CHMP2A: variants seen among roughly 807,000 people sequenced by gnomAD.
CHMP2A encodes the protein charged multivesicular body protein 2A.
Under a neutral mutation model 21.8 loss-of-function variants are expected in CHMP2A, and 6 were observed. The ratio of observed to expected loss-of-function variants is 0.28; its 90% CI spans 0.15 to 0.54. The LOEUF is 0.54. Among genes scored for constraint, CHMP2A ranks in the 20% least tolerant of loss-of-function variants. CHMP2A has a pLI of 0.95. For missense variants in CHMP2A, 303 were observed against 293.9 expected (o/e 1.03, Z -0.23); for synonymous variants, 125 against 107.0 (o/e 1.17, Z -1.04).
intron 2 of CHMP2A, chr19:58,553,696 C>T (rs112615915): frequency 6.6e-4 from 215 of 325,208 alleles, no homozygotes; most frequent in African/African-American, 3.6e-3. Flanking sequence ...AACCTTCCAA[C>T]TTAGCTCCCA....
chr19:58,552,283 C>T lies in CHMP2A; in HGVS notation c.324G>A (p.Lys108=), dbSNP rs1269194335. The T allele has an allele frequency of 1.2e-6, 2 of 1,614,206 alleles. No individual in the cohort carries two copies. Among genetic ancestry groups the T allele is most frequent in the Non-Finnish European group, 1.7e-6 (2 of 1,180,042 alleles). ...CCTGTCTGTTCATGGTGCCCATGGCCTTGGTGACACCCTTCATGGCTTGTG... is the reference window on the plus strand; with the variant it reads ...CCTGTCTGTTCATGGTGCCCATGGCTTTGGTGACACCCTTCATGGCTTGTG... ...SMAQAMKGVT[K]AMGTMNRQLK... The change falls in exon 3 of 6, where the codon AAG becomes AAA. Residue 108 remains lysine (K), a synonymous_variant. Coordinates refer to ENST00000312547, the MANE Select transcript of CHMP2A (RefSeq NM_014453.4).
chr19:58,553,007 G>T (rs1373133782), intron 2 of CHMP2A, among the ~76,000 whole-genome samples: 2 of 151,276 alleles, frequency 1.3e-5, no homozygotes, highest in African/African-American at 4.9e-5. Context: ...TCTCCCTACT[G>T]GTTCCGGCTG....
intron 1 of CHMP2A, 117 bp downstream of exon 1, chr19:58,554,871 G>A (rs2053875101): frequency 6.6e-6 from 1 of 152,384 alleles, no homozygotes; most frequent in Non-Finnish European, 1.5e-5. Context: ...AGACCTCGAT[G>A]TTGACGACAG....
Position 58,551,620 on chromosome 19 carries a change from C to T in CHMP2A, c.*29G>A, listed in dbSNP as rs2053825022. ...GTTGTGGTAAAAGATCCTGGGCATC[C>T]ACTGGTTATCTCGGAGTGGCAGGGG... On this transcript the variant is annotated 3_prime_UTR_variant, in exon 6 of 6. Coordinates refer to ENST00000312547, the MANE Select transcript of CHMP2A (RefSeq NM_014453.4). 1 of 1,608,170 alleles carries T rather than the reference C, an allele frequency of 6.2e-7. No homozygotes were observed. Among genetic ancestry groups the T allele is most frequent in the Non-Finnish European group, 8.5e-7 (1 of 1,176,180 alleles).
rs758548056 is a variant in CHMP2A at position 58,552,042 on chromosome 19, A to G, written c.479+13T>C. Reference sequence around the variant, plus strand: ...GGCAAACATCTCCACCCTCCCATCCAGTTTCCCCATACCTCTCCTCTTCAT... The same window carrying G: ...GGCAAACATCTCCACCCTCCCATCCGGTTTCCCCATACCTCTCCTCTTCAT... On this transcript the variant is annotated intron_variant, in intron 4 of 5. Coordinates refer to ENST00000312547, the MANE Select transcript of CHMP2A (RefSeq NM_014453.4). 6 of 1,614,146 alleles carry G rather than the reference A, an allele frequency of 3.7e-6. No homozygotes were observed. Among genetic ancestry groups the G allele is most frequent in the Middle Eastern group, 1.6e-4 (1 of 6,062 alleles).
At chr19:58,553,499 G>A (rs137881128) in intron 2 of CHMP2A, among the ~76,000 whole-genome samples, 1 of 151,410 alleles carries the variant, frequency 6.6e-6, no homozygotes, top group Non-Finnish European at 1.5e-5. Flanking sequence ...GCCCTGCTGA[G>A]TAGCTGGGAT....
Position 58,552,456 on chromosome 19 carries a change from G to A in CHMP2A, c.169-18C>T. On this transcript the variant is annotated intron_variant, in intron 2 of 5. Coordinates refer to ENST00000312547, the MANE Select transcript of CHMP2A (RefSeq NM_014453.4). ...ACAGCATCCTGCAGAGTAGACAAGGGTATCAAGGACACAGGAATGAGATTA... is the reference window on the plus strand; with the variant it reads ...ACAGCATCCTGCAGAGTAGACAAGGATATCAAGGACACAGGAATGAGATTA... 1 of 1,608,184 alleles carries A rather than the reference G, an allele frequency of 6.2e-7. No homozygotes were observed. The highest frequency in any genetic ancestry group is 8.5e-7 in the Non-Finnish European group (1 of 1,176,064).
intron 2 of CHMP2A, 82 bp downstream of exon 2, chr19:58,553,963 T>C (rs976245452): frequency 6.4e-6 from 10 of 1,559,540 alleles, no homozygotes; most frequent in Non-Finnish European, 7.9e-6. Context: ...AAAGCACCTG[T>C]GTTTGGTGTC....
chr19:58,553,038 CATAGCTT>C lies in CHMP2A; in HGVS notation c.169-607_169-601del, dbSNP rs769380092. Among the ~76,000 whole-genome samples the C allele has an allele frequency of 7.6e-4, 116 of 152,080 alleles. 1 individual carries two copies. The Middle Eastern group carries it at 0.014, about 18-fold the overall frequency. ...GGCTGTCTCTTACCAGCCTCTTGGC[CATAGCTT>C]ATAGCTTACCCTTACCTTTTTTTTT... On this transcript the variant is annotated intron_variant, in intron 2 of 5. Transcript: ENST00000312547.
intron 2 of CHMP2A, among the ~76,000 whole-genome samples, chr19:58,553,485 C>T (rs944901129): frequency 1.3e-5 from 2 of 151,850 alleles, no homozygotes; most frequent in African/African-American, 4.8e-5. Flanking sequence ...ATTGTCCTGC[C>T]TCAGCCCTGC....
In CHMP2A at chr19:58,552,198, G is replaced by T. The variant is rs1309256734; in HGVS notation, c.349-13C>A. Reference sequence around the variant, plus strand: ...GGGGCAACTTCAGCTGGAAGTGACAGGAGTGTGAGTGTGATCCCCATGGGT... The same window carrying T: ...GGGGCAACTTCAGCTGGAAGTGACATGAGTGTGAGTGTGATCCCCATGGGT... On this transcript the variant is annotated splice_polypyrimidine_tract_variant and intron_variant, in intron 3 of 5. Coordinates refer to ENST00000312547, the MANE Select transcript of CHMP2A (RefSeq NM_014453.4). The T allele has an allele frequency of 1.2e-6, 2 of 1,614,108 alleles. No homozygotes were observed. The highest frequency in any genetic ancestry group is 1.7e-6 in the Non-Finnish European group (2 of 1,180,048).
Position 58,551,738 on chromosome 19 carries a change from C to G in CHMP2A, c.580G>C (p.Gly194Arg), listed in dbSNP as rs938655319. 4 of 1,614,006 alleles carry G rather than the reference C, an allele frequency of 2.5e-6. No homozygotes were observed. The highest frequency in any genetic ancestry group is 3.4e-6 in the Non-Finnish European group (4 of 1,180,042). The part of the protein sequence containing the change: ...STGGSLSVAA[G>R]GKKAEAAASA... ...GCTGCGGCCTCTGCTTTTTTCCCAC[C>G]AGCAGCCACACTAAGCGAGCCCCCA... Residue 194 changes from glycine (G) to arginine (R), a missense_variant, in exon 6 of 6, where the codon GGT becomes CGT. Coordinates refer to ENST00000312547, the MANE Select transcript of CHMP2A (RefSeq NM_014453.4).
rs1211592370 is a variant in CHMP2A, at chr19:58,554,107, G to A, written c.106C>T (p.Leu36=). The A allele has an allele frequency of 6.2e-7, 1 of 1,614,022 alleles. No homozygotes were observed. Among genetic ancestry groups the A allele is most frequent in the Non-Finnish European group, 8.5e-7 (1 of 1,180,042 alleles). Residue 36 remains leucine (L), a synonymous_variant, in exon 2 of 6, where the codon CTA becomes TTA. Coordinates refer to ENST00000312547, the MANE Select transcript of CHMP2A (RefSeq NM_014453.4). ...MRELDRERQK[L]ETQEKKIIAD... ...ATGATTTTCTTCTCCTGGGTCTCTA[G>A]TTTCTGTCGCTCGCGGTCCAGCTCC...
chr19:58,552,414 C>G lies in CHMP2A; in HGVS notation c.193G>C (p.Asp65His). Residue 65 changes from aspartate to histidine, a missense_variant, in exon 3 of 6, where the codon GAC (aspartate) becomes CAC (histidine). Coordinates refer to ENST00000312547, the MANE Select transcript of CHMP2A (RefSeq NM_014453.4). ...QMDAVRIMAK[D>H]LVRTRRYVRK... ...ACATAGCGCCGGGTGCGCACCAAGT[C>G]TTTTGCCATGATGCGAACAGCATCC... is the stretch of plus-strand genomic sequence containing the variant. 6.2e-7 allele frequency: 1 copy of G among 1,614,082 alleles called. No homozygotes were observed. Among genetic ancestry groups the G allele is most frequent in the Non-Finnish European group, 8.5e-7 (1 of 1,179,988 alleles).
At chr19:58,552,855 A>G (rs1462942838) in intron 2 of CHMP2A, among the ~76,000 whole-genome samples, 3 of 152,122 alleles carry the variant, frequency 2.0e-5, no homozygotes. Context: ...ATCCAGAATC[A>G]CATACAGACC....
chr19:58,551,618 T>C lies in CHMP2A; in HGVS notation c.*31A>G, dbSNP rs1355154634. On this transcript the variant is annotated 3_prime_UTR_variant, in exon 6 of 6. Coordinates refer to ENST00000312547, the MANE Select transcript of CHMP2A (RefSeq NM_014453.4). ...GGGTTGTGGTAAAAGATCCTGGGCA[T>C]CCACTGGTTATCTCGGAGTGGCAGG... 3 of 1,607,324 alleles carry C rather than the reference T, an allele frequency of 1.9e-6. No individual in the cohort carries two copies. The highest frequency in any genetic ancestry group is 2.6e-6 in the Non-Finnish European group (3 of 1,175,526).
At chr19:58,552,713 C>T (rs890989582) in intron 2 of CHMP2A, among the ~76,000 whole-genome samples, 1 of 152,236 alleles carries the variant, frequency 6.6e-6, no homozygotes, top group Non-Finnish European at 1.5e-5. Flanking sequence ...AGGCTCACTC[C>T]TGAGGGTTCC....
At chr19:58,554,288 C>T in intron 1 of CHMP2A, 52 bp from the exon 2 acceptor site, 6 of 1,519,336 alleles carry the variant, frequency 3.9e-6, no homozygotes, top group Non-Finnish European at 5.3e-6. Flanking sequence ...CCCAGGAGGG[C>T]AAGAAGCAGA....
chr19:58,553,921 C>A, intron 2 of CHMP2A, 124 bp downstream of exon 2: 1 of 1,275,092 alleles, frequency 7.8e-7, no homozygotes, highest in Non-Finnish European at 1.1e-6. Context: ...CTAGGGAAGC[C>A]CTGCTGACCT....
Sources: gnomAD v4.1 joint callset for allele counts (sites outside exome capture counted in the v4.1 genomes callset) on GRCh38, gnomAD v4.1.1 for gene constraint, MANE v1.5 for transcripts, NCBI Gene and HGNC (gene_info 2026-07-23, HGNC 2026-07-21) for gene names.